Variants in NSF observed in about 807,000 individuals in gnomAD.
NSF encodes N-ethylmaleimide sensitive factor, vesicle fusing ATPase.
NSF carries 14 observed loss-of-function variants against 50.3 expected under a neutral mutation model. That is an observed-to-expected ratio of 0.28 (90% CI 0.18 to 0.44). NSF has a LOEUF of 0.44. NSF is among the 20% of genes least tolerant of loss of function. The probability of loss-of-function intolerance (pLI) is 1.00; values close to 1 mark genes in which losing one functional copy is unlikely to be tolerated. For missense variants in NSF, 218 were observed against 504.3 expected, an observed-to-expected ratio of 0.43 and a Z score of 5.44; for synonymous variants, 109 against 175.7, an observed-to-expected ratio of 0.62 and a Z score of 3.00.
At chr17:46,648,702 T>TA (rs1245939724) in intron 8 of NSF, among the ~76,000 whole-genome samples, 3 of 42,620 alleles carry the variant, frequency 7.0e-5, no homozygotes, top group Non-Finnish European at 3.5e-5. Context: ...TTTGTGTTAA[T>TA]AAAAAATATA....
At chr17:46,612,143 G>A (rs2058023086) in intron 1 of NSF, among the ~76,000 whole-genome samples, 1 of 75,786 alleles carries the variant, frequency 1.3e-5, no homozygotes, top group South Asian at 4.5e-4. Context: ...CAACATCATA[G>A]TCCATAGGGA....
rs1432032032 is a variant in NSF at position 46,679,075 on chromosome 17, T to C, written c.945+4462T>C. Reference sequence around the variant, plus strand: ...CCATTTATAGAGAGCTTACCTAAAGTATAGTGTTTAACAACACATGCTTGG... The same window carrying C: ...CCATTTATAGAGAGCTTACCTAAAGCATAGTGTTTAACAACACATGCTTGG... On this transcript the variant is annotated intron_variant, in intron 9 of 20. Transcript: ENST00000398238. Among the ~76,000 whole-genome samples, 3 of 152,130 alleles carry C rather than the reference T, an allele frequency of 2.0e-5. No individual in the cohort carries two copies. In the East Asian group the frequency reaches 5.8e-4, roughly 29 times the overall value.
chr17:46,685,128 G>A (rs953246072), intron 9 of NSF, among the ~76,000 whole-genome samples: 2 of 140,230 alleles, frequency 1.4e-5, no homozygotes, highest in Non-Finnish European at 3.1e-5. Flanking sequence ...ACCCTAATGA[G>A]ATACTGAGGA....
At chr17:46,711,395 CA>C (rs1431775466) in intron 14 of NSF, among the ~76,000 whole-genome samples, 1 of 152,170 alleles carries the variant, frequency 6.6e-6, no homozygotes, top group Admixed American at 6.5e-5. Flanking sequence ...CACTTAGCCT[CA>C]ATTCAATTAA....
At chr17:46,626,030 G>A (rs2058095870) in intron 2 of NSF, among the ~76,000 whole-genome samples, 2 of 148,658 alleles carry the variant, frequency 1.3e-5, no homozygotes, top group Admixed American at 1.3e-4. Context: ...TTTCTGAACA[G>A]GGAATTAGCA....
At chr17:46,597,663 G>T in intron 1 of NSF, among the ~76,000 whole-genome samples, 1 of 53,094 alleles carries the variant, frequency 1.9e-5, no homozygotes, top group Admixed American at 2.3e-4. Flanking sequence ...GTTAGCTCTG[G>T]GTTTGTTGTG....
intron 16 of NSF, among the ~76,000 whole-genome samples, chr17:46,727,793 G>C (rs1392259868): frequency 6.6e-6 from 1 of 152,172 alleles, no homozygotes; most frequent in African/African-American, 2.4e-5. Flanking sequence ...TGTCAGGAAT[G>C]TGTGCCCTCT....
intron 17 of NSF, among the ~76,000 whole-genome samples, chr17:46,741,209 A>G (rs1265559309): frequency 6.6e-6 from 1 of 152,212 alleles, no homozygotes; most frequent in African/African-American, 2.4e-5. Flanking sequence ...CATCTGCAAA[A>G]TGAGACAGAG....
intron 16 of NSF, 129 bp from the exon 17 acceptor site, chr17:46,728,726 A>C: frequency 2.1e-6 from 1 of 467,006 alleles, no homozygotes; most frequent in African/African-American, 2.1e-5. Flanking sequence ...TTTTTTTCTT[A>C]TTCTATACAT....
At chr17:46,715,125 G>T (rs1385512235) in intron 15 of NSF, among the ~76,000 whole-genome samples, 1 of 152,188 alleles carries the variant, frequency 6.6e-6, no homozygotes, top group Non-Finnish European at 1.5e-5. Flanking sequence ...CTTGTAGCAG[G>T]ATTCCAGGCA....
intron 15 of NSF, among the ~76,000 whole-genome samples, chr17:46,715,722 G>T (rs1166817272): frequency 1.3e-5 from 2 of 152,168 alleles, no homozygotes; most frequent in Non-Finnish European, 2.9e-5. Context: ...CTTGAAGGGG[G>T]AAGGTAATAT....
At chr17:46,635,793 G>GTGTGTGTA (rs1414126683) in intron 4 of NSF, among the ~76,000 whole-genome samples, 5 of 140,582 alleles carry the variant, frequency 3.6e-5, no homozygotes, top group Admixed American at 2.9e-4. Context: ...GTGTGTGTGT[G>GTGTGTGTA]TGTGTGTGTG....
intron 15 of NSF, among the ~76,000 whole-genome samples, chr17:46,724,862 T>C (rs779505094): frequency 6.6e-6 from 1 of 152,176 alleles, no homozygotes; most frequent in Non-Finnish European, 1.5e-5. Flanking sequence ...TGAAGATGGC[T>C]TCCTCTGTCA....
rs547265473 is a variant in NSF at position 46,717,483 on chromosome 17, T to C, written c.1761+3497T>C. Among the ~76,000 whole-genome samples the C allele has an allele frequency of 5.2e-4, 79 of 152,138 alleles. 1 individual carries two copies. The highest frequency in any genetic ancestry group is 1.9e-3 in the African/African-American group (78 of 41,516). Reference sequence around the variant, plus strand: ...ATCCCAGCACTTTGGGAGGCTGAGGTGGGGGGATCATGAGGTCAGGAGTTC... The same window carrying C: ...ATCCCAGCACTTTGGGAGGCTGAGGCGGGGGGATCATGAGGTCAGGAGTTC... On this transcript the variant is annotated intron_variant, in intron 15 of 20. Transcript: ENST00000398238.
At chr17:46,724,732 C>T (rs2058869151) in intron 15 of NSF, among the ~76,000 whole-genome samples, 1 of 152,182 alleles carries the variant, frequency 6.6e-6, no homozygotes, top group Admixed American at 6.5e-5. Flanking sequence ...GCAGTGCCTT[C>T]ATTAATGCTT....
At position 46,726,542 on chromosome 17, in the gene NSF, C is replaced by A; in HGVS notation, c.1762-7C>A. On this transcript the variant is annotated splice_region_variant and splice_polypyrimidine_tract_variant and intron_variant, in intron 15 of 20. Coordinates refer to ENST00000398238, the MANE Select transcript of NSF (RefSeq NM_006178.4). ...GTGAGATAATAAATGACTTTGTTTT[C>A]TTTCAGATCTTTGATGATGCGTACA... is the stretch of plus-strand genomic sequence containing the variant. 6 of 1,613,702 alleles carry A rather than the reference C, an allele frequency of 3.7e-6. No individual in the cohort carries two copies. The highest frequency in any genetic ancestry group is 5.1e-6 in the Non-Finnish European group (6 of 1,179,666).
rs369503467 is a variant in NSF, at chr17:46,704,763, G to A, written c.1379G>A (p.Ser460Asn). 1.2e-4 allele frequency: 195 copies of A among 1,605,496 alleles called. No individual in the cohort carries two copies. Among genetic ancestry groups the A allele is most frequent in the Non-Finnish European group, 1.6e-4 (191 of 1,177,832 alleles). Residue 460 changes from serine to asparagine, a missense_variant, in exon 13 of 21, where the codon AGT becomes AAT. By Grantham distance (46) the Ser-to-Asn change is conservative. Coordinates refer to ENST00000398238, the MANE Select transcript of NSF (RefSeq NM_006178.4). ...TTTGTTTTTATCTCTTCTTAGGCCA[G>A]TACTAAAGTGGAAGTGGACATGGAG... ...STAMNRHIKA[S>N]TKVEVDMEKA...
At chr17:46,709,946 C>T (rs1378358) in intron 13 of NSF, among the ~76,000 whole-genome samples, 20,359 of 152,016 alleles carry the variant, frequency 0.13, 1,836 homozygotes, top group Non-Finnish European at 0.2. Flanking sequence ...AAAGAGACTA[C>T]GTAAAAAGTG....
chr17:46,752,944 T>C (rs1320773138), intron 19 of NSF, among the ~76,000 whole-genome samples: 2 of 152,116 alleles, frequency 1.3e-5, no homozygotes, highest in Non-Finnish European at 2.9e-5. Context: ...ATTTTTTGTA[T>C]TTTTAGTAGA....
Sources: allele counts gnomAD v4.1 joint callset (sites outside exome capture counted in the v4.1 genomes callset), GRCh38; gene constraint gnomAD v4.1.1; transcripts MANE v1.5; gene names NCBI Gene and HGNC (gene_info 2026-07-23, HGNC 2026-07-21).